GOLM2: variants seen among roughly 807,000 people sequenced by gnomAD.
GOLM2 encodes golgi membrane protein 2, also known as protein GOLM2.
A neutral mutation model predicts 55.9 loss-of-function variants in GOLM2; 26 were observed. That is an observed-to-expected ratio of 0.47 (90% CI 0.34 to 0.65). The LOEUF is 0.65. GOLM2 is among the 30% of genes least tolerant of loss of function. The probability of loss-of-function intolerance (pLI) is 0.01; values close to 1 mark genes in which losing one functional copy is unlikely to be tolerated. For missense variants in GOLM2, 486 were observed against 531.8 expected, an observed-to-expected ratio of 0.91 and a Z score of 0.85; for synonymous variants, 165 against 194.6, an observed-to-expected ratio of 0.85 and a Z score of 1.27.
At chr15:44,322,793 A>G (rs1361490654) in intron 1 of GOLM2, among the ~76,000 whole-genome samples, 172 bp from the exon 2 acceptor site, 3 of 152,342 alleles carry the variant, frequency 2.0e-5, no homozygotes, top group Middle Eastern at 3.4e-3. Flanking sequence ...AATTTAAAGT[A>G]AGCATTACAA....
intron 1 of GOLM2, among the ~76,000 whole-genome samples, chr15:44,319,060 G>A (rs921398036): frequency 6.6e-6 from 1 of 152,176 alleles, no homozygotes; most frequent in African/African-American, 2.4e-5. Context: ...CATGAAGGCT[G>A]TATTAAATCC....
rs144029028 is a variant in GOLM2, at chr15:44,413,032, A to C, written c.1241-304A>C. ...AAAAAAAAAAGACTACATTTATATA[A>C]AAATATTAACTCCTCAATATTTGTG... On this transcript the variant is annotated intron_variant, in intron 9 of 9. Coordinates refer to ENST00000299957, the MANE Select transcript of GOLM2 (RefSeq NM_138423.4). Among the ~76,000 whole-genome samples the C allele has an allele frequency of 1.9e-3, 286 of 152,190 alleles. 14 individuals carry two copies. The East Asian group carries it at 0.048, about 26-fold the overall frequency.
chr15:44,406,407 GA>G (rs1056060735), intron 9 of GOLM2: 3 of 151,920 alleles, frequency 2.0e-5, no homozygotes, highest in Non-Finnish European at 4.4e-5. Flanking sequence ...AAGAAAAAAA[GA>G]AAAAAACATT....
chr15:44,340,051 G>A (rs2141148366), intron 6 of GOLM2, among the ~76,000 whole-genome samples: 1 of 152,088 alleles, frequency 6.6e-6, no homozygotes, highest in South Asian at 2.1e-4. Context: ...CGAACTCCTA[G>A]CCTTAAGCAA....
At chr15:44,381,220 C>CT (rs1187404462) in intron 8 of GOLM2, among the ~76,000 whole-genome samples, 1 of 151,990 alleles carries the variant, frequency 6.6e-6, no homozygotes, top group Non-Finnish European at 1.5e-5. Context: ...GGTGAGTTGA[C>CT]TTTTTTTAAA....
chr15:44,292,347 C>T (rs890833397), intron 1 of GOLM2, among the ~76,000 whole-genome samples: 13 of 151,700 alleles, frequency 8.6e-5, no homozygotes, highest in Non-Finnish European at 1.8e-4. Context: ...CAGGCGCCCA[C>T]CTCCATGCCC....
At chr15:44,366,024 G>A (rs751691112) in intron 6 of GOLM2, among the ~76,000 whole-genome samples, 3 of 152,116 alleles carry the variant, frequency 2.0e-5, no homozygotes, top group Non-Finnish European at 4.4e-5. Flanking sequence ...TTGGCCGAGC[G>A]CGGTGGCTCA....
chr15:44,297,868 T>C (rs1185378386), intron 1 of GOLM2, among the ~76,000 whole-genome samples: 1 of 105,190 alleles, frequency 9.5e-6, no homozygotes, highest in East Asian at 3.3e-4. Flanking sequence ...GCACCTGGCC[T>C]TTTTTTTTTT....
chr15:44,327,372 T>C (rs1327618325), intron 2 of GOLM2, among the ~76,000 whole-genome samples: 2 of 151,830 alleles, frequency 1.3e-5, no homozygotes, highest in East Asian at 4.0e-4. Flanking sequence ...CTGGGCAAAA[T>C]AGTGAGACCA....
chr15:44,403,102 A>G lies in GOLM2; in HGVS notation c.1240+48A>G, dbSNP rs75790579. 1,147 of 1,603,734 alleles carry G rather than the reference A, an allele frequency of 7.2e-4. 11 individuals carry two copies. The African/African-American group carries it at 0.014, about 19-fold the overall frequency. On this transcript the variant is annotated intron_variant, in intron 9 of 9. Transcript: ENST00000299957. The stretch of plus-strand genomic sequence containing the variant: ...TGCTATAACCATGAAACCCACCTCT[A>G]AGTTTTTTGGTTGAATTTGTGTAGA...
chr15:44,307,097 G>A (rs1240611295), intron 1 of GOLM2: 1 of 154,812 alleles, frequency 6.5e-6, no homozygotes. Flanking sequence ...TCGATGCAGG[G>A]TTATAAGAAA....
At chr15:44,291,758 G>A (rs1230407361) in intron 1 of GOLM2, among the ~76,000 whole-genome samples, 1 of 152,080 alleles carries the variant, frequency 6.6e-6, no homozygotes, top group Admixed American at 6.6e-5. Flanking sequence ...CTGTTATTGA[G>A]CCTTTGCTCT....
chr15:44,322,914 T>TGAA, intron 1 of GOLM2, 51 bp from the exon 2 acceptor site: 1 of 1,340,718 alleles, frequency 7.5e-7, no homozygotes, highest in Non-Finnish European at 1.0e-6. Flanking sequence ...ACCAAAAAAA[T>TGAA]GAACAAAACT....
In GOLM2 at chr15:44,397,508, C is replaced by CCACA. The variant is rs10695192; in HGVS notation, c.1073-5358_1073-5355dup. Among the ~76,000 whole-genome samples the CCACA allele has an allele frequency of 1.2e-3, 151 of 130,010 alleles. 1 individual carries two copies. Among genetic ancestry groups the CCACA allele is most frequent in the South Asian group, 0.011 (43 of 4,050 alleles). The allele number at this position is 130,010 out of a possible 152,430, so 85.3% of individuals were successfully genotyped here. On this transcript the variant is annotated intron_variant, in intron 8 of 9. Coordinates refer to ENST00000299957, the MANE Select transcript of GOLM2 (RefSeq NM_138423.4). ...AAAAAAAAAAAAAAAAAAAACAAAA[C>CCACA]CACACACACACACACACACACACAT...
At chr15:44,396,683 A>G (rs1198980811) in intron 8 of GOLM2, among the ~76,000 whole-genome samples, 1 of 152,174 alleles carries the variant, frequency 6.6e-6, no homozygotes, top group Non-Finnish European at 1.5e-5. Context: ...TAAATGCCTA[A>G]TTAGGTGATG....
At chr15:44,383,551 G>A (rs2079419045) in intron 8 of GOLM2, among the ~76,000 whole-genome samples, 1 of 151,780 alleles carries the variant, frequency 6.6e-6, no homozygotes, top group African/African-American at 2.4e-5. Context: ...CTATATTTAT[G>A]TGAGTAATTT....
intron 1 of GOLM2, among the ~76,000 whole-genome samples, chr15:44,313,905 A>G (rs1405076911): frequency 6.6e-6 from 1 of 152,210 alleles, no homozygotes; most frequent in Non-Finnish European, 1.5e-5. Context: ...TGTTCATTAT[A>G]GCCAGTCAAG....
intron 2 of GOLM2, among the ~76,000 whole-genome samples, chr15:44,325,439 G>T (rs975267317): frequency 2.0e-5 from 3 of 152,130 alleles, no homozygotes; most frequent in African/African-American, 7.2e-5. Context: ...GAAGCTTTGT[G>T]GGGGGACAGA....
rs536409131 is a variant in GOLM2, at chr15:44,353,480, C to A, written c.802+15163C>A. Among the ~76,000 whole-genome samples, 7 of 152,310 alleles carry A rather than the reference C, an allele frequency of 4.6e-5. No homozygotes were observed. In the South Asian group the frequency reaches 1.2e-3, roughly 27 times the overall value. The stretch of plus-strand genomic sequence containing the variant: ...AGTATATTAAAGAGATATTTGCACT[C>A]TCTTGTTTATTGCACTATTCGCAGT... On this transcript the variant is annotated intron_variant, in intron 6 of 9. Coordinates refer to ENST00000299957, the MANE Select transcript of GOLM2 (RefSeq NM_138423.4).
Sources: allele counts gnomAD v4.1 joint callset (sites outside exome capture counted in the v4.1 genomes callset), GRCh38; gene constraint gnomAD v4.1.1; transcripts MANE v1.5; gene names NCBI Gene and HGNC (gene_info 2026-07-23, HGNC 2026-07-21).